GPR179: variants seen among roughly 807,000 people sequenced by gnomAD.
GPR179 encodes the protein G protein-coupled receptor 179, also known as probable G protein-coupled receptor 179.
In GPR179, 52 loss-of-function variants were observed where a neutral mutation model predicts 70.8. The observed-to-expected ratio is 0.73, with a 90% CI of 0.59 to 0.93. The LOEUF is 0.93. Among genes scored for constraint, GPR179 ranks in the 40% least tolerant of loss-of-function variants. The probability of loss-of-function intolerance (pLI) is 0.00; values close to 1 mark genes in which losing one functional copy is unlikely to be tolerated. For missense variants in GPR179, 2,734 were observed against 2,966.8 expected (o/e 0.92, Z 1.82); for synonymous variants, 1,123 against 1,169.0 (o/e 0.96, Z 0.80).
Position 38,330,051 on chromosome 17 carries a change from C to T in GPR179, c.3518G>A (p.Ser1173Asn). Residue 1173 changes from serine to asparagine, a missense_variant, in exon 11 of 11, where the codon AGC becomes AAC. Coordinates refer to ENST00000616987, the MANE Select transcript of GPR179 (RefSeq NM_001004334.4). ...CCTGCCTCTGTCTTCTTGTTCCCTG[C>T]TGCCCTCCCGTTGACAGACTTGGAG... ...RMLQVCQREGSREQEDRGRRM... is the reference protein window; with the variant it reads ...RMLQVCQREGNREQEDRGRRM... The T allele has an allele frequency of 6.2e-7, 1 of 1,614,214 alleles. No individual in the cohort carries two copies. Among genetic ancestry groups the T allele is most frequent in the Non-Finnish European group, 8.5e-7 (1 of 1,180,022 alleles).
Position 38,329,891 on chromosome 17 carries a change from G to C in GPR179, c.3678C>G (p.Pro1226=). The change falls in exon 11 of 11, where the codon CCC becomes CCG. Residue 1226 remains proline, a synonymous_variant. Transcript: ENST00000616987. The part of the protein sequence containing the change: ...KETPVGWQEL[P]KAGLQSLGSA... Reference sequence around the variant, plus strand: ...TGCCCAGGGACTGGAGGCCAGCTTTGGGCAGTTCCTGCCACCCGACAGGGG... The same window carrying C: ...TGCCCAGGGACTGGAGGCCAGCTTTCGGCAGTTCCTGCCACCCGACAGGGG... 1 of 1,614,136 alleles carries C rather than the reference G, an allele frequency of 6.2e-7. No homozygotes were observed. Among genetic ancestry groups the C allele is most frequent in the South Asian group, 1.1e-5 (1 of 91,076 alleles).
Position 38,328,467 on chromosome 17 carries a change from T to C in GPR179, c.5102A>G (p.Lys1701Arg), listed in dbSNP as rs1450894715. Residue 1701 changes from lysine (K) to arginine (R), a missense_variant, in exon 11 of 11, where the codon AAG (lysine) becomes AGG (arginine). Transcript: ENST00000616987. ...LDVEENLTAG[K>R]AEICPWEVGA... is the part of the protein sequence containing the mutation. ...CACCTCCCAGGGACAGATTTCTGCC[T>C]TCCCAGCAGTCAAGTTTTCCTCCAC... The C allele has an allele frequency of 2.5e-6, 4 of 1,614,198 alleles. No homozygotes were observed. The highest frequency in any genetic ancestry group is 3.4e-6 in the Non-Finnish European group (4 of 1,180,034).
At chr17:38,337,487 C>T in intron 3 of GPR179, 146 bp downstream of exon 3, 2 of 732,448 alleles carry the variant, frequency 2.7e-6, no homozygotes, top group Non-Finnish European at 4.5e-6. Context: ...AACCTGCTTG[C>T]CTCTCCTGCC....
Position 38,335,450 on chromosome 17 carries a change from G to A in GPR179, c.1406+141C>T, listed in dbSNP as rs2037396415. 8 of 771,208 alleles carry A rather than the reference G, an allele frequency of 1.0e-5. No individual in the cohort carries two copies. In the East Asian group the frequency reaches 2.1e-4, roughly 21 times the overall value. The allele number at this position is 771,208 out of a possible 1,614,324, so 47.8% of individuals were successfully genotyped here. ...CCCCACAAAGTAACATGGAAGACAA[G>A]GCTATGGTGATGGGGGTTGGCCTTG... On this transcript the variant is annotated intron_variant, in intron 6 of 10. Transcript: ENST00000616987.
Position 38,330,509 on chromosome 17 carries a change from G to T in GPR179, c.3060C>A (p.His1020Gln). The T allele has an allele frequency of 1.9e-6, 3 of 1,554,866 alleles. No homozygotes were observed. The highest frequency in any genetic ancestry group is 2.6e-6 in the Non-Finnish European group (3 of 1,152,030). ...GCCTGGCTCGAGCTGGGGCAGGGGA[G>T]TGGTGGCCTCGCTCTGGCCCTGAGG... The part of the protein sequence containing the change: ...EGPSGPERGH[H>Q]SPAPARARLW... Residue 1020 changes from histidine (H) to glutamine (Q), a missense_variant, in exon 11 of 11, where the codon CAC becomes CAA. Coordinates refer to ENST00000616987, the MANE Select transcript of GPR179 (RefSeq NM_001004334.4).
chr17:38,328,489 C>T lies in GPR179; in HGVS notation c.5080G>A (p.Glu1694Lys). The change falls in exon 11 of 11, where the codon GAG (glutamate) becomes AAG (lysine). Residue 1694 changes from glutamate to lysine, a missense_variant. Transcript: ENST00000616987. Reference protein sequence around the residue: ...KAADICPLDVEENLTAGKAEI... With the variant: ...KAADICPLDVKENLTAGKAEI... ...GCCTTCCCAGCAGTCAAGTTTTCCT[C>T]CACATCCAAAGGGCAAATGTCGGCA... 6.2e-7 allele frequency: 1 copy of T among 1,614,136 alleles called. No homozygotes were observed. The highest frequency in any genetic ancestry group is 8.5e-7 in the Non-Finnish European group (1 of 1,180,022).
chr17:38,343,664 G>A lies in GPR179; in HGVS notation c.126C>T (p.Val42=). ...IRSLPPLSSQ[V]KPGSVPMQVP... ...CCTGCATGGGTACAGATCCTGGCTTGACTTGGGAAGACAGAGGGGGCAGAG... is the reference window on the plus strand; with the variant it reads ...CCTGCATGGGTACAGATCCTGGCTTAACTTGGGAAGACAGAGGGGGCAGAG... The change falls in exon 1 of 11, where the codon GTC becomes GTT. Residue 42 remains valine, a synonymous_variant. Transcript: ENST00000616987. The surrounding 1 kb of genome is among the most constrained non-coding windows in gnomAD (Gnocchi z 4.2). The A allele has an allele frequency of 6.2e-7, 1 of 1,611,774 alleles. No individual in the cohort carries two copies. Among genetic ancestry groups the A allele is most frequent in the African/African-American group, 1.3e-5 (1 of 75,004 alleles).
Position 38,330,520 on chromosome 17 carries a change from G to C in GPR179, c.3049C>G (p.Arg1017Gly). ...GCTGGGGCAGGGGAGTGGTGGCCTC[G>C]CTCTGGCCCTGAGGGGCCTTCCTGG... ...VPQEGPSGPERGHHSPAPARA... is the reference protein window; with the variant it reads ...VPQEGPSGPEGGHHSPAPARA... The change falls in exon 11 of 11, where the codon CGA becomes GGA. Residue 1017 changes from arginine (R) to glycine (G), a missense_variant. Transcript: ENST00000616987. 3 of 1,556,154 alleles carry C rather than the reference G, an allele frequency of 1.9e-6. No individual in the cohort carries two copies.
rs574007503 is a variant in GPR179, at chr17:38,334,934, C to T, written c.1646-92G>A. 15 of 1,593,724 alleles carry T rather than the reference C, an allele frequency of 9.4e-6. No individual in the cohort carries two copies. Among genetic ancestry groups the T allele is most frequent in the East Asian group, 2.2e-5 (1 of 44,538 alleles). Reference sequence around the variant, plus strand: ...AGATGTGCTGGGGGGAGCCTGGGCTCGGGGTCTGGGGACAAGTCAGGAGAA... The same window carrying T: ...AGATGTGCTGGGGGGAGCCTGGGCTTGGGGTCTGGGGACAAGTCAGGAGAA... On this transcript the variant is annotated intron_variant, in intron 7 of 10. Transcript: ENST00000616987. This position sits in a 1 kb window ranked among gnomAD's most constrained non-coding sequence, Gnocchi z 4.7.
In GPR179 at chr17:38,327,164, C is replaced by G; in HGVS notation, c.6405G>C (p.Ala2135=). 6.2e-7 allele frequency: 1 copy of G among 1,614,260 alleles called. No individual in the cohort carries two copies. The highest frequency in any genetic ancestry group is 8.5e-7 in the Non-Finnish European group (1 of 1,180,056). Residue 2135 remains alanine, a synonymous_variant, in exon 11 of 11, where the codon GCG becomes GCC. Transcript: ENST00000616987. ...AKKAEICPWE[A]GGGAAEEGEQ... Reference sequence around the variant, plus strand: ...CCCCTTCCTCTGCTGCTCCTCCACCCGCCTCCCAAGGGCAGATCTCTGCTT... The same window carrying G: ...CCCCTTCCTCTGCTGCTCCTCCACCGGCCTCCCAAGGGCAGATCTCTGCTT...
chr17:38,326,135 G>A lies in GPR179; in HGVS notation c.*330C>T, dbSNP rs1008808300. On this transcript the variant is annotated 3_prime_UTR_variant, in exon 11 of 11. Coordinates refer to ENST00000616987, the MANE Select transcript of GPR179 (RefSeq NM_001004334.4). ...CAACTGACTTTTTTCATCCCTAACA[G>A]TGGCTTTGTGGGTGAGTGTCCAGAC... is the stretch of plus-strand genomic sequence containing the variant. 4 of 284,840 alleles carry A rather than the reference G, an allele frequency of 1.4e-5. No individual in the cohort carries two copies. The highest frequency in any genetic ancestry group is 2.6e-5 in the Non-Finnish European group (4 of 153,076). 17.6% of individuals were successfully genotyped at this position (284,840 alleles called of 1,614,324 possible). A position where few individuals can be genotyped will look rare whatever the true frequency, so the allele number is the denominator to read the frequency against.
intron 1 of GPR179, among the ~76,000 whole-genome samples, chr17:38,340,817 C>T (rs1396568096): frequency 6.6e-6 from 1 of 152,208 alleles, no homozygotes; most frequent in Non-Finnish European, 1.5e-5. Flanking sequence ...ACTCAGGAGG[C>T]TGAGGCAGGA....
At position 38,329,030 on chromosome 17, in the gene GPR179, G is replaced by T; in HGVS notation, c.4539C>A (p.Ser1513Arg). The change falls in exon 11 of 11, where the codon AGC (serine) becomes AGA (arginine). Residue 1513 changes from serine (S) to arginine (R), a missense_variant. Transcript: ENST00000616987. ...CAGTTTGTTCCCCCATCTCTCCAAAGCTTCCTTTTCTGGAGGCTTTTTCCT... is the reference window on the plus strand; with the variant it reads ...CAGTTTGTTCCCCCATCTCTCCAAATCTTCCTTTTCTGGAGGCTTTTTCCT... ...QEKEKASRKG[S>R]FGEMGEQTVK... 1 of 1,614,010 alleles carries T rather than the reference G, an allele frequency of 6.2e-7. No individual in the cohort carries two copies. Among genetic ancestry groups the T allele is most frequent in the Non-Finnish European group, 8.5e-7 (1 of 1,180,006 alleles).
Position 38,328,766 on chromosome 17 carries a change from T to G in GPR179, c.4803A>C (p.Thr1601=). Residue 1601 remains threonine, a synonymous_variant, in exon 11 of 11, where the codon ACA becomes ACC. Transcript: ENST00000616987. ...EICPWEVNER[T]REEWTSAQVP... is the part of the protein sequence containing the mutation. ...CCTGTGCTGATGTCCATTCCTCTCT[T>G]GTTCTTTCATTTACCTCCCAGGGAC... 1 of 1,613,862 alleles carries G rather than the reference T, an allele frequency of 6.2e-7. No homozygotes were observed. Among genetic ancestry groups the G allele is most frequent in the Non-Finnish European group, 8.5e-7 (1 of 1,179,940 alleles).
chr17:38,343,331 A>C lies in GPR179; in HGVS notation c.459T>G (p.Pro153=). The change falls in exon 1 of 11, where the codon CCT becomes CCG. Residue 153 remains proline (P), a synonymous_variant. Coordinates refer to ENST00000616987, the MANE Select transcript of GPR179 (RefSeq NM_001004334.4). This position sits in a 1 kb window ranked among gnomAD's most constrained non-coding sequence, Gnocchi z 4.2. ...GCTGTAGGTGGCTGGCCCCTGGTGG[A>C]GGGTTAAAGGTCAGCAAAGCCCTGT... ...RVYRALLTFN[P]PPGASHLQLA... is the part of the protein sequence containing the mutation. The C allele has an allele frequency of 6.2e-7, 1 of 1,614,032 alleles. No individual in the cohort carries two copies. Among genetic ancestry groups the C allele is most frequent in the Non-Finnish European group, 8.5e-7 (1 of 1,179,970 alleles).
At position 38,343,684 on chromosome 17, in the gene GPR179, G is replaced by C; in HGVS notation, c.106C>G (p.Pro36Ala). The C allele has an allele frequency of 6.2e-7, 1 of 1,609,524 alleles. No homozygotes were observed. The highest frequency in any genetic ancestry group is 1.1e-5 in the South Asian group (1 of 90,792). Residue 36 changes from proline (P) to alanine (A), a missense_variant, in exon 1 of 11, where the codon CCC becomes GCC. Physicochemically the swap from Pro to Ala is conservative, Grantham distance 27 (BLOSUM62 -1). Transcript: ENST00000616987. The surrounding 1 kb of genome is among the most constrained non-coding windows in gnomAD (Gnocchi z 4.2). ...GGCTTGACTTGGGAAGACAGAGGGGGCAGAGAGCGGATGGGCCGTGGACCC... is the reference window on the plus strand; with the variant it reads ...GGCTTGACTTGGGAAGACAGAGGGGCCAGAGAGCGGATGGGCCGTGGACCC... ...LGGPRPIRSLPPLSSQVKPGS... is the reference protein window; with the variant it reads ...LGGPRPIRSLAPLSSQVKPGS...
Position 38,334,897 on chromosome 17 carries a change from C to G in GPR179, c.1646-55G>C, listed in dbSNP as rs2144269572. The G allele has an allele frequency of 1.2e-6, 2 of 1,603,054 alleles. No individual in the cohort carries two copies. Among genetic ancestry groups the G allele is most frequent in the Admixed American group, 1.7e-5 (1 of 59,842 alleles). The stretch of plus-strand genomic sequence containing the variant: ...GCACCACCTCAGCAGCTGTCCCACC[C>G]CTTTCTCTGAAAGATGTGCTGGGGG... On this transcript the variant is annotated intron_variant, in intron 7 of 10. Transcript: ENST00000616987. This position sits in a 1 kb window ranked among gnomAD's most constrained non-coding sequence, Gnocchi z 4.7.
Position 38,329,399 on chromosome 17 carries a change from C to T in GPR179, c.4170G>A (p.Glu1390=). The change falls in exon 11 of 11, where the codon GAG becomes GAA. Residue 1390 remains glutamate, a synonymous_variant. Coordinates refer to ENST00000616987, the MANE Select transcript of GPR179 (RefSeq NM_001004334.4). Reference sequence around the variant, plus strand: ...CTGCCTCTTGGGCTGGTTTCCCATCCTCGCCTCCTTCACTTGCCTCCCAGG... The same window carrying T: ...CTGCCTCTTGGGCTGGTTTCCCATCTTCGCCTCCTTCACTTGCCTCCCAGG... ...PCPWEASEGG[E]DGKPAQEAVK... 2 of 1,613,992 alleles carry T rather than the reference C, an allele frequency of 1.2e-6. No individual in the cohort carries two copies. The highest frequency in any genetic ancestry group is 1.7e-6 in the Non-Finnish European group (2 of 1,180,004).
At chr17:38,332,288 G>A (rs752093621) in intron 10 of GPR179, among the ~76,000 whole-genome samples, 2 of 152,156 alleles carry the variant, frequency 1.3e-5, no homozygotes, top group African/African-American at 2.4e-5. Context: ...GGAGGGGGTG[G>A]ACAGAATGGC....
Sources: gnomAD v4.1 joint callset for allele counts (sites outside exome capture counted in the v4.1 genomes callset) on GRCh38, gnomAD v4.1.1 for gene constraint, Gnocchi (gnomAD v3.1) non-coding constraint, MANE v1.5 for transcripts, NCBI Gene and HGNC (gene_info 2026-07-23, HGNC 2026-07-21) for gene names.